The following ANKRD18B variants were observed in gnomAD, a reference collection of about 807,000 sequenced individuals.
ANKRD18B encodes ankyrin repeat domain-containing protein 18B.
Under a neutral mutation model 111.8 loss-of-function variants are expected in ANKRD18B, and 75 were observed. The observed-to-expected ratio is 0.67, with a 90% CI of 0.56 to 0.81. The LOEUF (loss-of-function observed/expected upper bound fraction) is 0.81. ANKRD18B is among the 40% of genes least tolerant of loss of function. The probability of loss-of-function intolerance (pLI) is 0.00; values close to 1 mark genes in which losing one functional copy is unlikely to be tolerated. For missense variants in ANKRD18B, 1,038 were observed against 1,225.5 expected (o/e 0.85, Z 2.28); for synonymous variants, 356 against 417.3 (o/e 0.85, Z 1.79).
chr9:33,565,910 T>C (rs527750524), intron 14 of ANKRD18B, among the ~76,000 whole-genome samples: 1 of 152,270 alleles, frequency 6.6e-6, no homozygotes, highest in Non-Finnish European at 1.5e-5. Flanking sequence ...GTTAGACACT[T>C]TTTACTAAGA....
chr9:33,571,983 T>C (rs552126953), intron 18 of ANKRD18B: 8 of 260,116 alleles, frequency 3.1e-5, no homozygotes, highest in South Asian at 2.4e-4. Flanking sequence ...TGACTCTATA[T>C]GGACATTACC....
At chr9:33,560,094 T>C (rs576260032) in intron 14 of ANKRD18B, among the ~76,000 whole-genome samples, 1 of 152,352 alleles carries the variant, frequency 6.6e-6, no homozygotes, top group South Asian at 2.1e-4. Context: ...ATGCTGCATC[T>C]GTGCTGTAGC....
In ANKRD18B at chr9:33,548,437, C is replaced by G; in HGVS notation, c.1649C>G (p.Ala550Gly). Residue 550 changes from alanine to glycine, a missense_variant, in exon 11 of 19, where the codon GCT becomes GGT. This residue lies in a region of ANKRD18B where 524 missense variants were observed against 677.9 expected (regional missense o/e 0.77). Transcript: ENST00000684830. ...TTGCTTACTGAACAGGTCCATAAAG[C>G]TCGGGTGAAGTTCAATACCTTAAAA... The part of the protein sequence containing the change: ...NELLTEQVHK[A>G]RVKFNTLKGK... 6.4e-7 allele frequency: 1 copy of G among 1,551,166 alleles called. No individual in the cohort carries two copies. Among genetic ancestry groups the G allele is most frequent in the Non-Finnish European group, 8.7e-7 (1 of 1,146,632 alleles).
intron 14 of ANKRD18B, among the ~76,000 whole-genome samples, chr9:33,559,206 C>A (rs1214212210): frequency 3.3e-5 from 5 of 152,068 alleles, no homozygotes; most frequent in Non-Finnish European, 7.4e-5. Flanking sequence ...ACTTGAAATG[C>A]ATCAGGATCT....
intron 12 of ANKRD18B, among the ~76,000 whole-genome samples, chr9:33,551,469 C>T (rs913404337): frequency 6.6e-6 from 1 of 152,218 alleles, no homozygotes; most frequent in African/African-American, 2.4e-5. Context: ...CATAGATTTG[C>T]ATGGTCTGCA....
downstream of ANKRD18B, among the ~76,000 whole-genome samples, chr9:33,575,016 G>A (rs1587283084): frequency 6.6e-6 from 1 of 152,170 alleles, no homozygotes; most frequent in Non-Finnish European, 1.5e-5. Flanking sequence ...TCAGACTCAG[G>A]TGAGTGGGAC....
At chr9:33,534,341 T>C (rs1261720909) in intron 4 of ANKRD18B, 29 bp from the exon 5 acceptor site, 9 of 1,512,974 alleles carry the variant, frequency 5.9e-6, no homozygotes, top group African/African-American at 2.8e-5. Context: ...TCAAAGTTCT[T>C]GAGTGCTGTT....
In ANKRD18B at chr9:33,533,536, A is replaced by G. The variant is rs1346258158; in HGVS notation, c.593A>G (p.Asn198Ser). 6.5e-7 allele frequency: 1 copy of G among 1,531,992 alleles called. No individual in the cohort carries two copies. The allele number at this position is 1,531,992 out of a possible 1,614,324, so 94.9% of individuals were successfully genotyped here. A position where few individuals can be genotyped will look rare whatever the true frequency, so the allele number is the denominator to read the frequency against. ...KNQANIHAVD[N>S]FKRTALILAV... is the part of the protein sequence containing the mutation. ...CAGGCAAATATACATGCCGTTGACA[A>G]TTTCAAAAGGTGCAATAGTTTTTGT... Residue 198 changes from asparagine (N) to serine (S), a missense_variant, in exon 4 of 19, where the codon AAT (asparagine) becomes AGT (serine). Around this residue, in one of 4 missense-constraint regions of ANKRD18B, gnomAD observed 93 missense variants for 141.3 expected, o/e 0.66. Transcript: ENST00000684830.
intron 12 of ANKRD18B, among the ~76,000 whole-genome samples, chr9:33,554,274 A>G (rs1336732040): frequency 6.6e-6 from 1 of 152,144 alleles, no homozygotes; most frequent in East Asian, 1.9e-4. Flanking sequence ...AAGATTAGAA[A>G]ATAACAGTGT....
In ANKRD18B at chr9:33,572,749, A is replaced by G; in HGVS notation, c.*315A>G. The G allele has an allele frequency of 9.9e-7, 1 of 1,011,582 alleles. No homozygotes were observed. The highest frequency in any genetic ancestry group is 4.2e-5 in the South Asian group (1 of 23,978). The allele number at this position is 1,011,582 out of a possible 1,614,324, so 62.7% of individuals were successfully genotyped here. On this transcript the variant is annotated 3_prime_UTR_variant, in exon 19 of 19. Coordinates refer to ENST00000684830, the MANE Select transcript of ANKRD18B (RefSeq NM_001393611.1). ...TACACTTTTTATTACCATATATAGT[A>G]GGAGACTTAAAGAGTATCTGCCAGG...
chr9:33,572,587 T>A lies in ANKRD18B; in HGVS notation c.*153T>A. 1 of 1,261,716 alleles carries A rather than the reference T, an allele frequency of 7.9e-7. No individual in the cohort carries two copies. Among genetic ancestry groups the A allele is most frequent in the African/African-American group, 1.5e-5 (1 of 65,196 alleles). The allele number at this position is 1,261,716 out of a possible 1,614,324, so 78.2% of individuals were successfully genotyped here. A position where few individuals can be genotyped will look rare whatever the true frequency, so the allele number is the denominator to read the frequency against. ...TTTTAAATGATTTTTTTAGCCTCCT[T>A]AAGTTTTAAGTGGATCTTGCAAATG... is the stretch of plus-strand genomic sequence containing the variant. On this transcript the variant is annotated 3_prime_UTR_variant, in exon 19 of 19. Coordinates refer to ENST00000684830, the MANE Select transcript of ANKRD18B (RefSeq NM_001393611.1).
In ANKRD18B at chr9:33,572,893, A is replaced by T. The variant is rs1235045433; in HGVS notation, c.*459A>T. The T allele has an allele frequency of 3.4e-6, 1 of 294,916 alleles. No homozygotes were observed. The highest frequency in any genetic ancestry group is 6.1e-5 in the Admixed American group (1 of 16,392). 18.3% of individuals were successfully genotyped at this position (294,916 alleles called of 1,614,324 possible). The stretch of plus-strand genomic sequence containing the variant: ...CAAAACCCACTAGATTTAGCATTTC[A>T]TGGATGACTTGTGTTTGAACAAGTA... On this transcript the variant is annotated 3_prime_UTR_variant, in exon 19 of 19. Coordinates refer to ENST00000684830, the MANE Select transcript of ANKRD18B (RefSeq NM_001393611.1).
intron 1 of ANKRD18B, among the ~76,000 whole-genome samples, chr9:33,526,707 A>T (rs1241250634): frequency 6.6e-6 from 1 of 152,150 alleles, no homozygotes; most frequent in Non-Finnish European, 1.5e-5. Flanking sequence ...AGAAGTAAAA[A>T]GGGAATCTTT....
Position 33,548,572 on chromosome 9 carries a change from T to C in ANKRD18B, c.1784T>C (p.Met595Thr), listed in dbSNP as rs1456942779. ...CATCGAATAAAGGAAATGAAGCAGA[T>C]GCATCCAAATGGGGAAGCTAAAGAA... is the stretch of plus-strand genomic sequence containing the variant. ...AQHRIKEMKQ[M>T]HPNGEAKESQ... The change falls in exon 11 of 19, where the codon ATG becomes ACG. Residue 595 changes from methionine (M) to threonine (T), a missense_variant. Met to Thr is a moderately conservative substitution (Grantham distance 81). Coordinates refer to ENST00000684830, the MANE Select transcript of ANKRD18B (RefSeq NM_001393611.1). 6.4e-7 allele frequency: 1 copy of C among 1,551,308 alleles called. No homozygotes were observed. The highest frequency in any genetic ancestry group is 2.4e-5 in the East Asian group (1 of 40,908).
intron 9 of ANKRD18B, 70 bp from the exon 10 acceptor site, chr9:33,543,115 G>T (rs1828303701): frequency 2.3e-6 from 3 of 1,320,574 alleles, no homozygotes; most frequent in Non-Finnish European, 2.1e-6. Context: ...GTGTTGTTTT[G>T]TATCAATTTT....
chr9:33,573,292 C>G (rs546448771), downstream of ANKRD18B: 14 of 985,186 alleles, frequency 1.4e-5, no homozygotes, highest in Middle Eastern at 1.6e-3. Context: ...ACTGAGGTAC[C>G]AAGAAACTAG....
At position 33,547,971 on chromosome 9, in the gene ANKRD18B, A is replaced by G; in HGVS notation, c.1183A>G (p.Met395Val). 2.1e-6 allele frequency: 3 copies of G among 1,455,320 alleles called. No homozygotes were observed. The highest frequency in any genetic ancestry group is 3.6e-4 in the Middle Eastern group (2 of 5,576). The allele number at this position is 1,455,320 out of a possible 1,614,324, so 90.2% of individuals were successfully genotyped here. ...AAGTTATGGAAAAAAGAAGGATGAG[A>G]TGTTTGGAAATTTTATGTTGAAGAG... ...SQSYGKKKDE[M>V]FGNFMLKRDI... Residue 395 changes from methionine to valine, a missense_variant, in exon 11 of 19, where the codon ATG (methionine) becomes GTG (valine). Physicochemically the swap from Met to Val is conservative, Grantham distance 21. Transcript: ENST00000684830.
intron 14 of ANKRD18B, among the ~76,000 whole-genome samples, chr9:33,564,385 T>G (rs1828654738): frequency 6.6e-6 from 1 of 152,248 alleles, no homozygotes; most frequent in African/African-American, 2.4e-5. Context: ...ATTTCATTTT[T>G]TTATATGGTG....
Position 33,528,857 on chromosome 9 carries a change from C to T in ANKRD18B, c.321+16C>T, listed in dbSNP as rs778157667. ...TTTAATGAAGGTATATAGTAGCCAA[C>T]TCAGCATGAAATGGATTTGATTTAA... On this transcript the variant is annotated intron_variant, in intron 2 of 18. Coordinates refer to ENST00000684830, the MANE Select transcript of ANKRD18B (RefSeq NM_001393611.1). 1 of 1,589,730 alleles carries T rather than the reference C, an allele frequency of 6.3e-7. No homozygotes were observed. The highest frequency in any genetic ancestry group is 2.2e-5 in the East Asian group (1 of 44,486).
Sources: gnomAD v4.1 joint callset for allele counts (sites outside exome capture counted in the v4.1 genomes callset) on GRCh38, gnomAD v4.1.1 for gene constraint, gnomAD v4.1.1 regional missense constraint, MANE v1.5 for transcripts, NCBI Gene and HGNC (gene_info 2026-07-23, HGNC 2026-07-21) for gene names.